NT5DC1: variants seen among roughly 807,000 people sequenced by gnomAD.
NT5DC1 encodes the protein 5'-nucleotidase domain containing 1, also known as 5'-nucleotidase domain-containing protein 1.
Under a neutral mutation model 59.4 loss-of-function variants are expected in NT5DC1, and 42 were observed. The ratio of observed to expected loss-of-function variants is 0.71; its 90% CI spans 0.55 to 0.92. The LOEUF is 0.92. NT5DC1 is among the 40% of genes least tolerant of loss of function. The pLI is 0.00. For synonymous variants in NT5DC1, 172 were observed against 188.1 expected, an observed-to-expected ratio of 0.91 and a Z score of 0.70; for missense variants, 501 against 537.1, an observed-to-expected ratio of 0.93 and a Z score of 0.66.
At chr6:116,174,668 T>G (rs1333537166) in intron 6 of NT5DC1, among the ~76,000 whole-genome samples, 2 of 152,226 alleles carry the variant, frequency 1.3e-5, no homozygotes, top group Non-Finnish European at 2.9e-5. Flanking sequence ...TTTAAAGACA[T>G]CTTCGATTTT....
intron 6 of NT5DC1, among the ~76,000 whole-genome samples, chr6:116,172,105 C>T (rs1780622270): frequency 6.6e-6 from 1 of 152,156 alleles, no homozygotes; most frequent in African/African-American, 2.4e-5. Context: ...GTCAAGATGA[C>T]TGAAGTAGTT....
At chr6:116,211,236 G>T (rs995025885) in intron 6 of NT5DC1, among the ~76,000 whole-genome samples, 1 of 152,042 alleles carries the variant, frequency 6.6e-6, no homozygotes, top group African/African-American at 2.4e-5. Flanking sequence ...CAGACAGTGA[G>T]TGAAGAAACC....
In NT5DC1 at chr6:116,245,291, C is replaced by A. The variant is rs1450388244; in HGVS notation, c.*1267C>A. Reference sequence around the variant, plus strand: ...CTATCATGGGCAGTATTAGAAAACACACTGGTTTTCACTATCTGGTTTACA... The same window carrying A: ...CTATCATGGGCAGTATTAGAAAACAAACTGGTTTTCACTATCTGGTTTACA... On this transcript the variant is annotated 3_prime_UTR_variant, in exon 12 of 12. Coordinates refer to ENST00000319550, the MANE Select transcript of NT5DC1 (RefSeq NM_152729.3). The A allele has an allele frequency of 6.6e-6, 1 of 152,420 alleles. No homozygotes were observed. Among genetic ancestry groups the A allele is most frequent in the Non-Finnish European group, 1.5e-5 (1 of 68,002 alleles). The allele number at this position is 152,420 out of a possible 1,614,324, so 9.4% of individuals were successfully genotyped here. A position where few individuals can be genotyped will look rare whatever the true frequency, so the allele number is the denominator to read the frequency against.
chr6:116,152,274 A>G (rs1780061773), intron 6 of NT5DC1, among the ~76,000 whole-genome samples: 1 of 152,230 alleles, frequency 6.6e-6, no homozygotes, highest in Non-Finnish European at 1.5e-5. Context: ...ATAATGATTA[A>G]GGTTTTAACA....
chr6:116,115,291 AAAAAGCACTAT>A (rs2114260911), intron 4 of NT5DC1, among the ~76,000 whole-genome samples: 2 of 152,356 alleles, frequency 1.3e-5, no homozygotes, highest in African/African-American at 4.8e-5. Flanking sequence ...AACCAATCTG[AAAAAGCACTAT>A]TGTATAGAGC....
At chr6:116,119,467 A>G (rs1191583324) in intron 6 of NT5DC1, 19 of 152,666 alleles carry the variant, frequency 1.2e-4, no homozygotes, top group Non-Finnish European at 2.9e-5. Context: ...GCTTTTTTAT[A>G]TAAGAGCTTT....
chr6:116,203,278 T>C (rs1446234932), intron 6 of NT5DC1, among the ~76,000 whole-genome samples: 1 of 151,992 alleles, frequency 6.6e-6, no homozygotes, highest in Non-Finnish European at 1.5e-5. Context: ...GAAACTATTA[T>C]GTCAGTTCTT....
chr6:116,237,100 G>A lies in NT5DC1; in HGVS notation c.921+16G>A, dbSNP rs759841014. 2.7e-6 allele frequency: 4 copies of A among 1,460,584 alleles called. No individual in the cohort carries two copies. The highest frequency in any genetic ancestry group is 1.1e-5 in the South Asian group (1 of 87,816). 90.5% of individuals were successfully genotyped at this position (1,460,584 alleles called of 1,614,324 possible). A position where few individuals can be genotyped will look rare whatever the true frequency, so the allele number is the denominator to read the frequency against. ...TGAACCCAAGGTATTTCCCAGTTGAGGAGAAGTCCTCAGTGCCCACTTGCA... is the reference window on the plus strand; with the variant it reads ...TGAACCCAAGGTATTTCCCAGTTGAAGAGAAGTCCTCAGTGCCCACTTGCA... On this transcript the variant is annotated intron_variant, in intron 9 of 11. Coordinates refer to ENST00000319550, the MANE Select transcript of NT5DC1 (RefSeq NM_152729.3).
intron 1 of NT5DC1, 25 bp from the exon 2 acceptor site, chr6:116,106,219 C>A: frequency 1.8e-6 from 2 of 1,102,640 alleles, no homozygotes; most frequent in Non-Finnish European, 2.8e-6. Flanking sequence ...TATATTTAAT[C>A]TGTTTTTCTT....
rs1029184947 is a variant in NT5DC1 at position 116,244,887 on chromosome 6, A to G, written c.*863A>G. 1 of 152,204 alleles carries G rather than the reference A, an allele frequency of 6.6e-6. No individual in the cohort carries two copies. Among genetic ancestry groups the G allele is most frequent in the African/African-American group, 2.4e-5 (1 of 41,450 alleles). The allele number at this position is 152,204 out of a possible 1,614,324, so 9.4% of individuals were successfully genotyped here. On this transcript the variant is annotated 3_prime_UTR_variant, in exon 12 of 12. Coordinates refer to ENST00000319550, the MANE Select transcript of NT5DC1 (RefSeq NM_152729.3). ...TTAATTTATTTAATCAACTTTAAGC[A>G]TTACATTCTCAATTGGGGACAAAAA...
Position 116,221,169 on chromosome 6 carries a change from T to C in NT5DC1, c.645T>C (p.Leu215=), listed in dbSNP as rs200743137. ...AGCTAAAGAATGCTGGGAAAATTCT[T>C]CTGTTAATTACCAGTTCTCACAGTG... is the stretch of plus-strand genomic sequence containing the variant. ...LRQLKNAGKI[L]LLITSSHSDY... The change falls in exon 7 of 12, where the codon CTT becomes CTC. Residue 215 remains leucine (L), a synonymous_variant. Coordinates refer to ENST00000319550, the MANE Select transcript of NT5DC1 (RefSeq NM_152729.3). The C allele has an allele frequency of 7.1e-5, 114 of 1,599,170 alleles. No homozygotes were observed. Among genetic ancestry groups the C allele is most frequent in the Non-Finnish European group, 6.9e-5 (81 of 1,166,742 alleles).
chr6:116,124,912 T>C (rs1403620253), intron 6 of NT5DC1, among the ~76,000 whole-genome samples: 1 of 152,224 alleles, frequency 6.6e-6, no homozygotes, highest in South Asian at 2.1e-4. Context: ...TGTGGGCTAG[T>C]TGAATTAGTT....
At chr6:116,177,934 T>A (rs941239427) in intron 6 of NT5DC1, among the ~76,000 whole-genome samples, 1 of 152,082 alleles carries the variant, frequency 6.6e-6, no homozygotes, top group African/African-American at 2.4e-5. Context: ...TCCTTAGAGA[T>A]TGGAGATTAG....
chr6:116,225,351 T>C (rs1377230038), intron 8 of NT5DC1, among the ~76,000 whole-genome samples: 1 of 152,086 alleles, frequency 6.6e-6, no homozygotes, highest in Non-Finnish European at 1.5e-5. Flanking sequence ...AGCCAGGGGA[T>C]TATATGAAAC....
At chr6:116,137,532 T>G (rs1289586153) in intron 6 of NT5DC1, 1 of 212,816 alleles carries the variant, frequency 4.7e-6, no homozygotes, top group East Asian at 1.1e-4. Flanking sequence ...TTTCACAGTC[T>G]CCTCAAACAT....
At chr6:116,180,137 T>C (rs1194149100) in intron 6 of NT5DC1, among the ~76,000 whole-genome samples, 2 of 152,086 alleles carry the variant, frequency 1.3e-5, no homozygotes, top group African/African-American at 4.8e-5. Context: ...TTTTAAATTA[T>C]TAAGGGCATA....
chr6:116,221,032 C>A (rs949374768), intron 6 of NT5DC1, 22 bp from the exon 7 acceptor site: 1 of 1,169,700 alleles, frequency 8.5e-7, no homozygotes, highest in South Asian at 1.4e-5. Context: ...AGAAAAACCT[C>A]ATTGATATTT....
At chr6:116,229,555 G>A (rs1157103231) in intron 8 of NT5DC1, among the ~76,000 whole-genome samples, 2 of 152,152 alleles carry the variant, frequency 1.3e-5, no homozygotes, top group African/African-American at 2.4e-5. Flanking sequence ...GTATGGAGGG[G>A]AGAAGCGTCT....
intron 8 of NT5DC1, among the ~76,000 whole-genome samples, chr6:116,230,843 G>T (rs1418940620): frequency 6.6e-6 from 1 of 152,154 alleles, no homozygotes; most frequent in Non-Finnish European, 1.5e-5. Context: ...GCAGCTGTCT[G>T]CAGGAATCTT....
Sources: gnomAD v4.1 joint callset for allele counts (sites outside exome capture counted in the v4.1 genomes callset) on GRCh38, gnomAD v4.1.1 for gene constraint, MANE v1.5 for transcripts, NCBI Gene and HGNC (gene_info 2026-07-23, HGNC 2026-07-21) for gene names.